The following SLC35E3 variants were observed in gnomAD, a reference collection of about 807,000 sequenced individuals.
The protein encoded by SLC35E3 is solute carrier family 35 member E3, also known as bladder cancer-overexpressed gene 1 protein.
In SLC35E3, 28 loss-of-function variants were observed where a neutral mutation model predicts 30.8. That is an observed-to-expected ratio of 0.91 (90% CI 0.67 to 1.25). SLC35E3 has a LOEUF of 1.25. Among genes scored for constraint, SLC35E3 ranks in the 50% most tolerant of loss-of-function variants. The pLI, the probability that SLC35E3 is intolerant of heterozygous loss-of-function variation, is 0.00. For missense variants in SLC35E3, 365 were observed against 375.4 expected (o/e 0.97, Z 0.23); for synonymous variants, 146 against 149.2 (o/e 0.98, Z 0.16).
intron 4 of SLC35E3, among the ~76,000 whole-genome samples, chr12:68,764,150 A>G (rs1310784654): frequency 6.6e-6 from 1 of 152,096 alleles, no homozygotes; most frequent in African/African-American, 2.4e-5. Context: ...TGTACAAAAT[A>G]CCTTCCCTGG....
rs1878824886 is a variant in SLC35E3, at chr12:68,752,128, C to T, written c.610C>T (p.Pro204Ser). The change falls in exon 3 of 5, where the codon CCC (proline) becomes TCC (serine). Residue 204 changes from proline to serine, a missense_variant. Transcript: ENST00000398004. ...ATCTGCCATGTTGCTGGTTGCTGTG[C>T]CCTTCTTTGAGCCAGTGTTTGGAGA... ...MSSAMLLVAV[P>S]FFEPVFGEGG... The T allele has an allele frequency of 6.2e-7, 1 of 1,613,782 alleles. No homozygotes were observed. Among genetic ancestry groups the T allele is most frequent in the South Asian group, 1.1e-5 (1 of 91,036 alleles).
At chr12:68,747,588 C>G (rs1878640933) in intron 1 of SLC35E3, among the ~76,000 whole-genome samples, 1 of 152,086 alleles carries the variant, frequency 6.6e-6, no homozygotes, top group South Asian at 2.1e-4. Context: ...GGTCTTTATG[C>G]TTTTATTGTT....
chr12:68,763,401 G>A (rs891732481), intron 4 of SLC35E3, among the ~76,000 whole-genome samples: 10 of 151,798 alleles, frequency 6.6e-5, no homozygotes, highest in African/African-American at 1.9e-4. Context: ...CTGTGTCTGT[G>A]TCTGTGTGAT....
chr12:68,756,413 T>A (rs1879006612), intron 3 of SLC35E3, among the ~76,000 whole-genome samples: 2 of 146,558 alleles, frequency 1.4e-5, no homozygotes, highest in South Asian at 4.3e-4. Context: ...CATCCTTGAC[T>A]CAAAGTAGAG....
At chr12:68,754,203 T>C (rs1229034591) in intron 3 of SLC35E3, among the ~76,000 whole-genome samples, 1 of 152,096 alleles carries the variant, frequency 6.6e-6, no homozygotes. Flanking sequence ...GTATCTTGCT[T>C]TTCTGACTTA....
At chr12:68,763,531 A>G (rs1015788030) in intron 4 of SLC35E3, among the ~76,000 whole-genome samples, 2 of 152,082 alleles carry the variant, frequency 1.3e-5, no homozygotes, top group African/African-American at 4.8e-5. Flanking sequence ...CCGGTATTAC[A>G]GGCATGCACC....
rs2136084069 is a variant in SLC35E3, at chr12:68,770,126, A to T, written c.*5236A>T. On this transcript the variant is annotated 3_prime_UTR_variant, in exon 5 of 5. Transcript: ENST00000398004. Reference sequence around the variant, plus strand: ...AGGGAGGGTATTGCATTCTGGAAAGAGGGAATAGCACATACAAATGCCTAG... The same window carrying T: ...AGGGAGGGTATTGCATTCTGGAAAGTGGGAATAGCACATACAAATGCCTAG... 6.6e-6 allele frequency: 1 copy of T among 152,328 alleles called. No homozygotes were observed. Among genetic ancestry groups the T allele is most frequent in the Middle Eastern group, 3.4e-3 (1 of 294 alleles). The allele number at this position is 152,328 out of a possible 1,614,324, so 9.4% of individuals were successfully genotyped here. A position where few individuals can be genotyped will look rare whatever the true frequency, so the allele number is the denominator to read the frequency against.
intron 4 of SLC35E3, among the ~76,000 whole-genome samples, chr12:68,759,668 T>C (rs950996780): frequency 6.6e-6 from 1 of 150,916 alleles, no homozygotes; most frequent in Non-Finnish European, 1.5e-5. Context: ...TGTGCCACTG[T>C]ACTCCAGCCT....
rs954734764 is a variant in SLC35E3 at position 68,772,475 on chromosome 12, G to A, written c.*7585G>A. 2 of 152,084 alleles carry A rather than the reference G, an allele frequency of 1.3e-5. No homozygotes were observed. Among genetic ancestry groups the A allele is most frequent in the African/African-American group, 4.8e-5 (2 of 41,404 alleles). The allele number at this position is 152,084 out of a possible 1,614,324, so 9.4% of individuals were successfully genotyped here. ...ATTAGAAGATAGGATTTCTTCTGAT[G>A]TATCGAAGTTACTTTATACTTCATA... On this transcript the variant is annotated 3_prime_UTR_variant, in exon 5 of 5. Coordinates refer to ENST00000398004, the MANE Select transcript of SLC35E3 (RefSeq NM_018656.5).
intron 4 of SLC35E3, 137 bp from the exon 5 acceptor site, chr12:68,764,567 C>T (rs749363240): frequency 1.6e-6 from 1 of 623,386 alleles, no homozygotes; most frequent in East Asian, 3.3e-5. Flanking sequence ...GGATTACAGG[C>T]ATGATCCACC....
chr12:68,776,561 C>T lies in SLC35E3; in HGVS notation c.*11671C>T, dbSNP rs1879752076. On this transcript the variant is annotated 3_prime_UTR_variant, in exon 5 of 5. Transcript: ENST00000398004. ...ATTAGTCAGCTGTGATGGTGTGCAC[C>T]TGTAGTCCCAGCTACTCTGAAAGCT... The T allele has an allele frequency of 6.6e-6, 1 of 152,098 alleles. No homozygotes were observed. Among genetic ancestry groups the T allele is most frequent in the Non-Finnish European group, 1.5e-5 (1 of 68,648 alleles). 9.4% of individuals were successfully genotyped at this position (152,098 alleles called of 1,614,324 possible).
At chr12:68,755,569 T>A (rs1224925361) in intron 3 of SLC35E3, among the ~76,000 whole-genome samples, 2 of 152,236 alleles carry the variant, frequency 1.3e-5, no homozygotes, top group African/African-American at 4.8e-5. Context: ...TTATTTTGGC[T>A]TATGGTTCTG....
Position 68,765,429 on chromosome 12 carries a change from A to G in SLC35E3, c.*539A>G, listed in dbSNP as rs200429800. 6.6e-6 allele frequency: 1 copy of G among 152,048 alleles called. No homozygotes were observed. Among genetic ancestry groups the G allele is most frequent in the East Asian group, 1.9e-4 (1 of 5,186 alleles). 9.4% of individuals were successfully genotyped at this position (152,048 alleles called of 1,614,324 possible). The stretch of plus-strand genomic sequence containing the variant: ...TTTTAAAAATGATTGTATAAAATGT[A>G]TGGAATGGTTAGCCTGGTGTGGTGG... On this transcript the variant is annotated 3_prime_UTR_variant, in exon 5 of 5. Transcript: ENST00000398004.
chr12:68,757,177 ATACTGAATG>A (rs1864282822), intron 3 of SLC35E3, among the ~76,000 whole-genome samples: 1 of 152,204 alleles, frequency 6.6e-6, no homozygotes, highest in Non-Finnish European at 1.5e-5. Flanking sequence ...AGCCAACATA[ATACTGAATG>A]GGGAAAAGTT....
intron 4 of SLC35E3, among the ~76,000 whole-genome samples, chr12:68,763,407 G>T (rs1405241549): frequency 6.6e-6 from 1 of 151,756 alleles, no homozygotes; most frequent in Non-Finnish European, 1.5e-5. Flanking sequence ...CTGTGTCTGT[G>T]TGATGGAGTT....
At position 68,770,661 on chromosome 12, in the gene SLC35E3, C is replaced by G. The variant is rs1879578783; in HGVS notation, c.*5771C>G. 1 of 151,810 alleles carries G rather than the reference C, an allele frequency of 6.6e-6. No homozygotes were observed. Among genetic ancestry groups the G allele is most frequent in the Non-Finnish European group, 1.5e-5 (1 of 68,078 alleles). 9.4% of individuals were successfully genotyped at this position (151,810 alleles called of 1,614,324 possible). On this transcript the variant is annotated 3_prime_UTR_variant, in exon 5 of 5. Transcript: ENST00000398004. ...CCAGCCTGGGCAAACATGATGAAAC[C>G]CCATCTCTACAAAGAATACAAAATT...
intron 3 of SLC35E3, among the ~76,000 whole-genome samples, chr12:68,753,681 C>A (rs1050744033): frequency 6.6e-6 from 1 of 151,978 alleles, no homozygotes; most frequent in Non-Finnish European, 1.5e-5. Flanking sequence ...CCTAGCCACA[C>A]ACTCTTCCAC....
In SLC35E3 at chr12:68,776,207, T is replaced by C. The variant is rs1484760899; in HGVS notation, c.*11317T>C. 1 of 18,498 alleles carries C rather than the reference T, an allele frequency of 5.4e-5. No homozygotes were observed. The highest frequency in any genetic ancestry group is 1.4e-4 in the Non-Finnish European group (1 of 7,054). 1.1% of individuals were successfully genotyped at this position (18,498 alleles called of 1,614,324 possible). A position where few individuals can be genotyped will look rare whatever the true frequency, so the allele number is the denominator to read the frequency against. ...CCTGGGTGACAAGAGCAAAACTCTG[T>C]CTCACAAAAAAAAAAAAAAGGCCAG... is the stretch of plus-strand genomic sequence containing the variant. On this transcript the variant is annotated 3_prime_UTR_variant, in exon 5 of 5. Transcript: ENST00000398004.
intron 4 of SLC35E3, among the ~76,000 whole-genome samples, chr12:68,763,379 GTGTGTC>G (rs796779083): frequency 1.5e-3 from 222 of 152,066 alleles, no homozygotes; most frequent in African/African-American, 4.1e-3. Flanking sequence ...GTGTGTGTGT[GTGTGTC>G]TGTGTCTGTG....
Sources: allele counts gnomAD v4.1 joint callset (sites outside exome capture counted in the v4.1 genomes callset), GRCh38; gene constraint gnomAD v4.1.1; transcripts MANE v1.5; gene names NCBI Gene and HGNC (gene_info 2026-07-23, HGNC 2026-07-21).